Variants in ADAM18 observed in about 807,000 individuals in gnomAD.
ADAM18 encodes ADAM metallopeptidase domain 18, also known as disintegrin and metalloproteinase domain-containing protein 18.
Under a neutral mutation model 94.4 loss-of-function variants are expected in ADAM18, and 117 were observed. The observed-to-expected ratio is 1.24, with a 90% CI of 1.07 to 1.45. The LOEUF (loss-of-function observed/expected upper bound fraction) is 1.45. ADAM18 is among the 40% of genes most tolerant of loss of function. ADAM18 has a pLI of 0.00. For missense variants in ADAM18, 936 were observed against 880.0 expected (o/e 1.06, Z -0.81); for synonymous variants, 327 against 291.6 (o/e 1.12, Z -1.24).
intron 1 of ADAM18, among the ~76,000 whole-genome samples, 164 bp downstream of exon 1, chr8:39,584,841 G>A (rs1456044744): frequency 6.6e-6 from 1 of 152,150 alleles, no homozygotes; most frequent in African/African-American, 2.4e-5. Context: ...CAGGCCAGGG[G>A]GAACTAAAGG....
At chr8:39,668,295 C>T (rs1379991917) in intron 14 of ADAM18, 99 bp downstream of exon 14, 2 of 1,135,552 alleles carry the variant, frequency 1.8e-6, no homozygotes, top group Non-Finnish European at 2.5e-6. Context: ...GAAACTGAAC[C>T]ACAAGATTAA....
chr8:39,641,873 A>C lies in ADAM18; in HGVS notation c.909+3327A>C, dbSNP rs576461308. Among the ~76,000 whole-genome samples, 24 of 152,120 alleles carry C rather than the reference A, an allele frequency of 1.6e-4. No homozygotes were observed. In the South Asian group the frequency reaches 4.6e-3, roughly 29 times the overall value. ...AATGGCTGAACTAATTTACACTCCC[A>C]CCTGCAGTGTATAAGTGTTCCTCTT... On this transcript the variant is annotated intron_variant, in intron 10 of 19. Transcript: ENST00000265707.
chr8:39,594,531 A>C (rs1340870154), intron 2 of ADAM18, among the ~76,000 whole-genome samples: 5 of 151,932 alleles, frequency 3.3e-5, no homozygotes, highest in Admixed American at 6.6e-5. Flanking sequence ...TAGTTTCCTG[A>C]TCTGAGAATG....
intron 13 of ADAM18, 77 bp from the exon 14 acceptor site, chr8:39,667,921 A>G (rs1476877970): frequency 3.6e-6 from 5 of 1,406,556 alleles, no homozygotes; most frequent in East Asian, 2.3e-5. Context: ...GAAACATTTT[A>G]TGTGATAAAT....
At position 39,654,261 on chromosome 8, in the gene ADAM18, G is replaced by A. The variant is rs189304719; in HGVS notation, c.1230+5734G>A. On this transcript the variant is annotated intron_variant, in intron 12 of 19. Coordinates refer to ENST00000265707, the MANE Select transcript of ADAM18 (RefSeq NM_014237.3). Reference sequence around the variant, plus strand: ...CAAGCTCCGCCTTCCAGGTTCACGCGATTCTCCTGCCTCAGCCTCCCGAGT... The same window carrying A: ...CAAGCTCCGCCTTCCAGGTTCACGCAATTCTCCTGCCTCAGCCTCCCGAGT... Among the ~76,000 whole-genome samples the A allele has an allele frequency of 6.1e-3, 909 of 150,000 alleles. 41 individuals carry two copies. Among genetic ancestry groups the A allele is most frequent in the African/African-American group, 0.022 (862 of 39,974 alleles).
At chr8:39,650,046 A>AT (rs1364037809) in intron 12 of ADAM18, among the ~76,000 whole-genome samples, 1 of 152,154 alleles carries the variant, frequency 6.6e-6, no homozygotes, top group Non-Finnish European at 1.5e-5. Flanking sequence ...ATAATATTTG[A>AT]TTTTTTACAG....
At chr8:39,676,380 C>G (rs561739727) in intron 14 of ADAM18, among the ~76,000 whole-genome samples, 1 of 152,352 alleles carries the variant, frequency 6.6e-6, no homozygotes, top group African/African-American at 2.4e-5. Flanking sequence ...AGCCAGGCTG[C>G]CACCTTGCAG....
intron 10 of ADAM18, among the ~76,000 whole-genome samples, chr8:39,642,594 A>C (rs947644151): frequency 1.3e-5 from 2 of 151,870 alleles, no homozygotes; most frequent in African/African-American, 4.8e-5. Context: ...TGGGATCTCT[A>C]TTCTGTTCCA....
chr8:39,613,092 A>G (rs1819326476), intron 6 of ADAM18, among the ~76,000 whole-genome samples: 1 of 152,030 alleles, frequency 6.6e-6, no homozygotes. Context: ...CATCGAACCC[A>G]ACATGCCGCT....
intron 14 of ADAM18, among the ~76,000 whole-genome samples, chr8:39,674,544 C>T (rs1821246011): frequency 1.3e-5 from 2 of 152,164 alleles, no homozygotes; most frequent in African/African-American, 2.4e-5. Context: ...CTCCTGAATA[C>T]AGCATGCTGA....
At chr8:39,675,723 T>TCC (rs1821283303) in intron 14 of ADAM18, among the ~76,000 whole-genome samples, 2 of 152,254 alleles carry the variant, frequency 1.3e-5, no homozygotes, top group African/African-American at 4.8e-5. Context: ...TTTAGAATTT[T>TCC]CAGCTTTTCT....
At position 39,610,775 on chromosome 8, in the gene ADAM18, A is replaced by C. The variant is rs777222226; in HGVS notation, c.522+69A>C. On this transcript the variant is annotated intron_variant, in intron 6 of 19. Coordinates refer to ENST00000265707, the MANE Select transcript of ADAM18 (RefSeq NM_014237.3). ...CTGTGTAGTTTTCTTGTAAATCATG[A>C]AAGGAATTTAGTTAGCTGTTGAGTA... 5.9e-6 allele frequency: 9 copies of C among 1,521,382 alleles called. No homozygotes were observed. The African/African-American group carries it at 9.8e-5, about 17-fold the overall frequency. The allele number at this position is 1,521,382 out of a possible 1,614,324, so 94.2% of individuals were successfully genotyped here.
At chr8:39,705,517 G>T (rs1316608793) in intron 17 of ADAM18, among the ~76,000 whole-genome samples, 2 of 152,026 alleles carry the variant, frequency 1.3e-5, no homozygotes, top group Non-Finnish European at 2.9e-5. Flanking sequence ...TTGAGCCCAG[G>T]AGTTCAAGAC....
chr8:39,638,404 A>T, intron 9 of ADAM18, 61 bp from the exon 10 acceptor site: 1 of 1,162,956 alleles, frequency 8.6e-7, no homozygotes, highest in Non-Finnish European at 1.2e-6. Context: ...GGTTTAATTT[A>T]ATACATAAGC....
chr8:39,726,577 G>T (rs750167039), intron 19 of ADAM18, among the ~76,000 whole-genome samples: 3 of 151,926 alleles, frequency 2.0e-5, no homozygotes, highest in Non-Finnish European at 2.9e-5. Flanking sequence ...CTTTATTTCT[G>T]CTTCTATCGC....
chr8:39,637,354 A>C lies in ADAM18; in HGVS notation c.660+19A>C. The C allele has an allele frequency of 1.3e-6, 2 of 1,582,820 alleles. No individual in the cohort carries two copies. The highest frequency in any genetic ancestry group is 1.7e-6 in the Non-Finnish European group (2 of 1,166,136). On this transcript the variant is annotated intron_variant, in intron 8 of 19. Transcript: ENST00000265707. ...CAACACTGTAAGTTTTTACTTTTTC[A>C]CATTTCCATTTTCATGAAAGTTTCT...
intron 2 of ADAM18, among the ~76,000 whole-genome samples, chr8:39,601,712 T>C (rs933366666): frequency 3.3e-5 from 5 of 152,224 alleles, no homozygotes; most frequent in Non-Finnish European, 7.3e-5. Context: ...ACTGTAACTA[T>C]TTTTAAGTAT....
In ADAM18 at chr8:39,612,201, C is replaced by A. The variant is rs142946058; in HGVS notation, c.522+1495C>A. On this transcript the variant is annotated intron_variant, in intron 6 of 19. Coordinates refer to ENST00000265707, the MANE Select transcript of ADAM18 (RefSeq NM_014237.3). Reference sequence around the variant, plus strand: ...CACAGCCAGGAAGGTTATCTCCCACCGGAAAACCAGACAAAGAAGATCAAC... The same window carrying A: ...CACAGCCAGGAAGGTTATCTCCCACAGGAAAACCAGACAAAGAAGATCAAC... 2.8e-3 allele frequency among the ~76,000 whole-genome samples: 423 copies of A among 150,614 alleles called. 5 individuals are homozygous for A. The highest frequency in any genetic ancestry group is 9.9e-3 in the African/African-American group (407 of 41,068).
At chr8:39,688,800 A>ATG (rs1251181751) in intron 16 of ADAM18, among the ~76,000 whole-genome samples, 2 of 152,200 alleles carry the variant, frequency 1.3e-5, no homozygotes, top group African/African-American at 4.8e-5. Context: ...GTCTTCCACA[A>ATG]TGATTGAACT....
Sources: gnomAD v4.1 joint callset for allele counts (sites outside exome capture counted in the v4.1 genomes callset) on GRCh38, gnomAD v4.1.1 for gene constraint, MANE v1.5 for transcripts, NCBI Gene and HGNC (gene_info 2026-07-23, HGNC 2026-07-21) for gene names.